ZNF566: variants seen among roughly 807,000 people sequenced by gnomAD.
The protein encoded by ZNF566 is zinc finger protein 566.
A neutral mutation model predicts 32.8 loss-of-function variants in ZNF566; 27 were observed. The ratio of observed to expected loss-of-function variants is 0.82; its 90% CI spans 0.61 to 1.14. The LOEUF (loss-of-function observed/expected upper bound fraction) is 1.14, where lower values mean the gene tolerates loss of function less well. Among genes scored for constraint, ZNF566 ranks in the 50% most tolerant of loss-of-function variants. ZNF566 has a pLI of 0.00. For synonymous variants in ZNF566, 154 were observed against 159.5 expected (o/e 0.97, Z 0.26); for missense variants, 402 against 490.4 (o/e 0.82, Z 1.70).
In ZNF566 at chr19:36,462,956, CAAAAAAAAAAAAAAAA is replaced by C. The variant is rs755283751; in HGVS notation, c.232+9939_232+9954del. On this transcript the variant is annotated intron_variant, in intron 4 of 4. Coordinates refer to ENST00000452939, the MANE Select transcript of ZNF566 (RefSeq NM_001145344.1). ...TGGGTGACACAGCGAGACTCTGTCT[CAAAAAAAAAAAAAAAA>C]AAAAAAAAAAAAAAAAAATCCCATT... 1.8e-3 allele frequency among the ~76,000 whole-genome samples: 68 copies of C among 38,564 alleles called. 1 individual carries two copies. Among genetic ancestry groups the C allele is most frequent in the South Asian group, 4.3e-3 (3 of 698 alleles). The allele number at this position is 38,564 out of a possible 152,430, so 25.3% of individuals were successfully genotyped here. A position where few individuals can be genotyped will look rare whatever the true frequency, so the allele number is the denominator to read the frequency against.
intron 4 of ZNF566, among the ~76,000 whole-genome samples, chr19:36,469,267 G>A (rs572735325): frequency 2.0e-5 from 3 of 151,964 alleles, no homozygotes; most frequent in South Asian, 4.1e-4. Context: ...GGTGGGACGC[G>A]GTGGCTTACG....
chr19:36,462,956 C>CAAAAAAAAAAAAAAAAAAAA (rs755283751), intron 4 of ZNF566, among the ~76,000 whole-genome samples: 2 of 38,558 alleles, frequency 5.2e-5, no homozygotes, highest in Non-Finnish European at 8.9e-5. Flanking sequence ...GACTCTGTCT[C>CAAAAAAAAAAAAAAAAAAAA]AAAAAAAAAA....
At chr19:36,476,959 T>G (rs1021035508) in intron 1 of ZNF566, among the ~76,000 whole-genome samples, 5 of 152,336 alleles carry the variant, frequency 3.3e-5, no homozygotes, top group Admixed American at 6.5e-5. Flanking sequence ...TTGTGTTACA[T>G]AACTGGTTTA....
At chr19:36,469,411 G>A (rs2033707072) in intron 4 of ZNF566, among the ~76,000 whole-genome samples, 2 of 152,070 alleles carry the variant, frequency 1.3e-5, no homozygotes, top group Admixed American at 6.6e-5. Flanking sequence ...ATGGTGGCGG[G>A]TGCCTGTAAT....
In ZNF566 at chr19:36,448,215, C is replaced by T. The variant is rs974882260; in HGVS notation, c.*762G>A. The T allele has an allele frequency of 2.0e-5, 3 of 152,104 alleles. No homozygotes were observed. The highest frequency in any genetic ancestry group is 7.2e-5 in the African/African-American group (3 of 41,422). 9.4% of individuals were successfully genotyped at this position (152,104 alleles called of 1,614,324 possible). ...ATCTTTTATAAGGAAAATATATTCA[C>T]ACATTACTTCTGCAATTAAAAGATA... On this transcript the variant is annotated 3_prime_UTR_variant, in exon 5 of 5. Transcript: ENST00000452939.
intron 4 of ZNF566, among the ~76,000 whole-genome samples, chr19:36,469,803 G>C (rs1407702978): frequency 1.3e-5 from 2 of 151,936 alleles, no homozygotes; most frequent in Non-Finnish European, 2.9e-5. Context: ...ATCTATATGC[G>C]TAAAGTGTGC....
At chr19:36,450,172 T>A (rs1211036071) in intron 4 of ZNF566, among the ~76,000 whole-genome samples, 171 bp from the exon 5 acceptor site, 1 of 152,138 alleles carries the variant, frequency 6.6e-6, no homozygotes, top group East Asian at 1.9e-4. Flanking sequence ...GAAAACAAAG[T>A]AAGTCACTGG....
chr19:36,462,676 A>G (rs550119893), intron 4 of ZNF566, among the ~76,000 whole-genome samples: 1 of 152,066 alleles, frequency 6.6e-6, no homozygotes, highest in Non-Finnish European at 1.5e-5. Flanking sequence ...ACATATATGT[A>G]TATATGTACA....
intron 1 of ZNF566, among the ~76,000 whole-genome samples, chr19:36,489,222 C>A (rs1234649840): frequency 6.6e-6 from 1 of 152,216 alleles, no homozygotes; most frequent in African/African-American, 2.4e-5. Context: ...AAGCTCCCCA[C>A]AGCCGCACAC....
chr19:36,488,717 G>T (rs967691510), intron 1 of ZNF566, among the ~76,000 whole-genome samples: 2 of 152,142 alleles, frequency 1.3e-5, no homozygotes. Flanking sequence ...TGAATTAACC[G>T]CGATTTTATC....
chr19:36,460,293 T>C (rs924380513), intron 4 of ZNF566, among the ~76,000 whole-genome samples: 1 of 152,180 alleles, frequency 6.6e-6, no homozygotes, highest in African/African-American at 2.4e-5. Flanking sequence ...AAAGCAGCTA[T>C]TTTAAAAATG....
chr19:36,473,409 C>T lies in ZNF566; in HGVS notation c.59G>A (p.Trp20Ter). 6.2e-7 allele frequency: 1 copy of T among 1,613,486 alleles called. No homozygotes were observed. The highest frequency in any genetic ancestry group is 8.5e-7 in the Non-Finnish European group (1 of 1,179,610). Residue 20 changes from tryptophan to a stop codon, truncating the protein, a stop_gained, in exon 3 of 5, where the codon TGG (tryptophan) becomes TAG (stop). Coordinates refer to ENST00000452939, the MANE Select transcript of ZNF566 (RefSeq NM_001145344.1). LOFTEE classifies it high-confidence loss of function. ...DVSVDFSQEE[W>*]ECLNDDQRDL... is the part of the protein sequence containing the mutation. ...TCTCTGATCATCATTCAGGCATTCCCACTCCTCCTGAGAGAAGTCTACGGA... is the reference window on the plus strand; with the variant it reads ...TCTCTGATCATCATTCAGGCATTCCTACTCCTCCTGAGAGAAGTCTACGGA...
At chr19:36,459,387 G>A (rs754603656) in intron 4 of ZNF566, among the ~76,000 whole-genome samples, 22 of 151,570 alleles carry the variant, frequency 1.5e-4, no homozygotes, top group Non-Finnish European at 3.1e-4. Context: ...GCTAATTTTT[G>A]TATTTTTAGT....
At chr19:36,467,012 T>C (rs1190140750) in intron 4 of ZNF566, among the ~76,000 whole-genome samples, 1 of 147,436 alleles carries the variant, frequency 6.8e-6, no homozygotes, top group Non-Finnish European at 1.5e-5. Context: ...GAGCTTGCAG[T>C]GAGCCGAGAT....
intron 4 of ZNF566, among the ~76,000 whole-genome samples, chr19:36,471,285 G>A (rs2033758651): frequency 6.6e-6 from 1 of 151,330 alleles, no homozygotes; most frequent in South Asian, 2.1e-4. Flanking sequence ...ATGACTTCTT[G>A]TCTTAGAATG....
intron 1 of ZNF566, among the ~76,000 whole-genome samples, chr19:36,479,606 TTGA>T (rs1409063213): frequency 6.6e-6 from 1 of 152,214 alleles, no homozygotes; most frequent in Non-Finnish European, 1.5e-5. Flanking sequence ...AGATTGAATA[TTGA>T]TGTCAATTCT....
chr19:36,486,601 G>T (rs988769976), intron 1 of ZNF566, among the ~76,000 whole-genome samples: 3 of 150,724 alleles, frequency 2.0e-5, no homozygotes, highest in Admixed American at 1.3e-4. Flanking sequence ...AACCTGGGAG[G>T]TGGAGGTTGC....
rs1301656547 is a variant in ZNF566, at chr19:36,446,606, T to C, written c.*2371A>G. The C allele has an allele frequency of 2.6e-5, 4 of 152,244 alleles. No individual in the cohort carries two copies. Among genetic ancestry groups the C allele is most frequent in the Non-Finnish European group, 5.9e-5 (4 of 68,044 alleles). The allele number at this position is 152,244 out of a possible 1,614,324, so 9.4% of individuals were successfully genotyped here. On this transcript the variant is annotated 3_prime_UTR_variant, in exon 5 of 5. Coordinates refer to ENST00000452939, the MANE Select transcript of ZNF566 (RefSeq NM_001145344.1). ...TTTGGGTGCAAATGCACTATCTCTA[T>C]AATTTTAGATGAAGAACTTTATAAA... is the stretch of plus-strand genomic sequence containing the variant.
chr19:36,464,461 C>T (rs923717735), intron 4 of ZNF566, among the ~76,000 whole-genome samples: 1 of 152,156 alleles, frequency 6.6e-6, no homozygotes, highest in South Asian at 2.1e-4. Context: ...CCAGCCAATT[C>T]GTTTTCTATA....
Sources: gnomAD v4.1 joint callset for allele counts (sites outside exome capture counted in the v4.1 genomes callset) on GRCh38, gnomAD v4.1.1 for gene constraint, MANE v1.5 for transcripts, NCBI Gene and HGNC (gene_info 2026-07-23, HGNC 2026-07-21) for gene names.